Variants in FEZF2 observed in about 807,000 individuals in gnomAD.
FEZF2 encodes the protein FEZ family zinc finger 2.
FEZF2 carries 2 observed loss-of-function variants against 32.8 expected under a neutral mutation model. The ratio of observed to expected loss-of-function variants is 0.06; its 90% CI spans 0.02 to 0.19. The LOEUF (loss-of-function observed/expected upper bound fraction) is 0.19. FEZF2 is among the 10% of genes least tolerant of loss of function. The pLI, the probability that FEZF2 is intolerant of heterozygous loss-of-function variation, is 1.00. For missense variants in FEZF2, 516 were observed against 625.4 expected, an observed-to-expected ratio of 0.83 and a Z score of 1.87; for synonymous variants, 322 against 284.8, an observed-to-expected ratio of 1.13 and a Z score of -1.32.
rs967788569 is a variant in FEZF2, at chr3:62,370,582, A to G, written c.1121-240T>C. Among the ~76,000 whole-genome samples, 108 of 152,314 alleles carry G rather than the reference A, an allele frequency of 7.1e-4. No individual in the cohort carries two copies. In the Middle Eastern group the frequency reaches 0.017, roughly 24 times the overall value. On this transcript the variant is annotated intron_variant, in intron 4 of 4. Coordinates refer to ENST00000283268, the MANE Select transcript of FEZF2 (RefSeq NM_018008.4). This position sits in a 1 kb window ranked among gnomAD's most constrained non-coding sequence, Gnocchi z 4.2. ...TCTGCGCTCCTGCTCTGCCCGCCACAGAGGCTGGTGCAGCTTCCCTCCCGC... is the reference window on the plus strand; with the variant it reads ...TCTGCGCTCCTGCTCTGCCCGCCACGGAGGCTGGTGCAGCTTCCCTCCCGC...
intron 4 of FEZF2, 106 bp downstream of exon 4, chr3:62,371,111 C>A: frequency 2.6e-6 from 4 of 1,533,132 alleles, no homozygotes; most frequent in Non-Finnish European, 3.6e-6. Context: ...CCCGCGCCTG[C>A]AGATTTCGCC....
In FEZF2 at chr3:62,372,647, G is replaced by T; in HGVS notation, c.222C>A (p.Ile74=). The T allele has an allele frequency of 6.3e-7, 1 of 1,594,884 alleles. No individual in the cohort carries two copies. Among genetic ancestry groups the T allele is most frequent in the Non-Finnish European group, 8.5e-7 (1 of 1,169,776 alleles). Reference sequence around the variant, plus strand: ...CCTCGTAGCCTAGGGGCTGGAGGGGGATCATACAGGGCAGCGGCGAGCAGA... The same window carrying T: ...CCTCGTAGCCTAGGGGCTGGAGGGGTATCATACAGGGCAGCGGCGAGCAGA... ...LNLCSPLPCM[I]PLQPLGYEVP... Residue 74 remains isoleucine (I), a synonymous_variant, in exon 2 of 5, where the codon ATC becomes ATA. Transcript: ENST00000283268. The surrounding 1 kb of genome is among the most constrained non-coding windows in gnomAD (Gnocchi z 9.6).
Position 62,371,681 on chromosome 3 carries a change from T to A in FEZF2, c.853-14A>T, listed in dbSNP as rs1247388279. 3.1e-6 allele frequency: 5 copies of A among 1,601,068 alleles called. No individual in the cohort carries two copies. The East Asian group carries it at 1.1e-4, about 36-fold the overall frequency. ...AGCGTTAAACACCTATGGAAAGACA[T>A]GGGGGGCCTTGTGGTGCGTCTGTCC... On this transcript the variant is annotated splice_polypyrimidine_tract_variant and intron_variant, in intron 2 of 4. Transcript: ENST00000283268.
Position 62,370,453 on chromosome 3 carries a change from G to T in FEZF2, c.1121-111C>A, listed in dbSNP as rs906647009. The stretch of plus-strand genomic sequence containing the variant: ...TGCCTGCTCAAAAAAGGCGACGCTT[G>T]GCTAGGCGGGCGCGACCTCTTCGAG... On this transcript the variant is annotated intron_variant, in intron 4 of 4. Coordinates refer to ENST00000283268, the MANE Select transcript of FEZF2 (RefSeq NM_018008.4). The surrounding 1 kb of genome is among the most constrained non-coding windows in gnomAD (Gnocchi z 4.2). 2.6e-6 allele frequency: 3 copies of T among 1,151,548 alleles called. No homozygotes were observed. The highest frequency in any genetic ancestry group is 1.6e-5 in the African/African-American group (1 of 64,394). The allele number at this position is 1,151,548 out of a possible 1,614,324, so 71.3% of individuals were successfully genotyped here.
In FEZF2 at chr3:62,370,188, C is replaced by A. The variant is rs780835940; in HGVS notation, c.1275G>T (p.Gly425=). The stretch of plus-strand genomic sequence containing the variant: ...TCTTTAAGTCAAAGTTTCTGCAAAA[C>A]CCTTTGCCGCAAGTGGCGCACGTGA... ...KPFTCATCGK[G]FCRNFDLKKH... The change falls in exon 5 of 5, where the codon GGG becomes GGT. Residue 425 remains glycine (G), a synonymous_variant. Transcript: ENST00000283268. This position sits in a 1 kb window ranked among gnomAD's most constrained non-coding sequence, Gnocchi z 4.2. 1 of 1,614,154 alleles carries A rather than the reference C, an allele frequency of 6.2e-7. No individual in the cohort carries two copies. Among genetic ancestry groups the A allele is most frequent in the East Asian group, 2.2e-5 (1 of 44,862 alleles).
In FEZF2 at chr3:62,373,523, C is replaced by G. The variant is rs1380141176; in HGVS notation, c.-303G>C. On this transcript the variant is annotated 5_prime_UTR_variant, in exon 1 of 5. Transcript: ENST00000283268. The surrounding 1 kb of genome is among the most constrained non-coding windows in gnomAD (Gnocchi z 5.5). The stretch of plus-strand genomic sequence containing the variant: ...CCCCTCAAACTTTAAAAGGAGGCAA[C>G]TGGCGCCCGCGCTCCTCTCGGGAAA... 6.6e-6 allele frequency: 1 copy of G among 152,146 alleles called. No individual in the cohort carries two copies. The highest frequency in any genetic ancestry group is 2.4e-5 in the African/African-American group (1 of 41,338). 9.4% of individuals were successfully genotyped at this position (152,146 alleles called of 1,614,324 possible). A position where few individuals can be genotyped will look rare whatever the true frequency, so the allele number is the denominator to read the frequency against.
At position 62,372,284 on chromosome 3, in the gene FEZF2, G is replaced by A. The variant is rs1704283232; in HGVS notation, c.585C>T (p.Leu195=). The A allele has an allele frequency of 1.9e-6, 3 of 1,600,570 alleles. No individual in the cohort carries two copies. The highest frequency in any genetic ancestry group is 1.3e-5 in the African/African-American group (1 of 74,696). Residue 195 remains leucine (L), a synonymous_variant, in exon 2 of 5, where the codon CTC becomes CTT. Coordinates refer to ENST00000283268, the MANE Select transcript of FEZF2 (RefSeq NM_018008.4). This position sits in a 1 kb window ranked among gnomAD's most constrained non-coding sequence, Gnocchi z 9.6. ...LLSGHLFPSG[L]LNAQAPAALA... ...GGGCGGCGGGGGCCTGCGCATTGAG[G>A]AGGCCAGACGGGAAGAGGTGGCCGC...
At position 62,370,279 on chromosome 3, in the gene FEZF2, T is replaced by C. The variant is rs560854161; in HGVS notation, c.1184A>G (p.Asn395Ser). ...GEKQYKCTIC[N>S]KAFHQVYNLT... The stretch of plus-strand genomic sequence containing the variant: ...GTTGTAGACCTGGTGGAAGGCCTTG[T>C]TGCAGATGGTACATTTGTACTGCTT... Residue 395 changes from asparagine to serine, a missense_variant, in exon 5 of 5, where the codon AAC (asparagine) becomes AGC (serine). Asn to Ser is a conservative substitution (Grantham distance 46, BLOSUM62 1). Around this residue, in one of 3 missense-constraint regions of FEZF2, gnomAD observed 79 missense variants for 219.4 expected, o/e 0.36. Coordinates refer to ENST00000283268, the MANE Select transcript of FEZF2 (RefSeq NM_018008.4). This position sits in a 1 kb window ranked among gnomAD's most constrained non-coding sequence, Gnocchi z 4.2. 91 of 1,614,254 alleles carry C rather than the reference T, an allele frequency of 5.6e-5. No individual in the cohort carries two copies. The South Asian group carries it at 9.3e-4, about 17-fold the overall frequency.
At chr3:62,371,787 A>G in intron 2 of FEZF2, 120 bp from the exon 3 acceptor site, 2 of 1,462,846 alleles carry the variant, frequency 1.4e-6, no homozygotes, top group African/African-American at 2.8e-5. Flanking sequence ...AGCCTTTTTC[A>G]GTTTGTAAAG....
rs775397762 is a variant in FEZF2 at position 62,370,333 on chromosome 3, T to C, written c.1130A>G (p.Lys377Arg). The C allele has an allele frequency of 6.2e-7, 1 of 1,614,214 alleles. No individual in the cohort carries two copies. The highest frequency in any genetic ancestry group is 1.3e-5 in the African/African-American group (1 of 75,054). ...GCCGCTGTGGGTCAGCTTGTGGTTC[T>C]TGTAGTTCCCTACAACAGATCAAGA... The part of the protein sequence containing the change: ...GKGFHQKGNY[K>R]NHKLTHSGEK... The change falls in exon 5 of 5, where the codon AAG becomes AGG. Residue 377 changes from lysine (K) to arginine (R), a missense_variant. By Grantham distance (26) the Lys-to-Arg change is conservative. Coordinates refer to ENST00000283268, the MANE Select transcript of FEZF2 (RefSeq NM_018008.4). The surrounding 1 kb of genome is among the most constrained non-coding windows in gnomAD (Gnocchi z 4.2).
chr3:62,370,529 A>G lies in FEZF2; in HGVS notation c.1121-187T>C, dbSNP rs1372823745. ...CGTCAAGCCGGGTGCTCTCCCGACA[A>G]GACCGAGACTGAGTCCCGCGGAGCC... On this transcript the variant is annotated intron_variant, in intron 4 of 4. Transcript: ENST00000283268. This position sits in a 1 kb window ranked among gnomAD's most constrained non-coding sequence, Gnocchi z 4.2. Among the ~76,000 whole-genome samples, 2 of 152,190 alleles carry G rather than the reference A, an allele frequency of 1.3e-5. No individual in the cohort carries two copies. The highest frequency in any genetic ancestry group is 4.8e-5 in the African/African-American group (2 of 41,454).
At position 62,372,992 on chromosome 3, in the gene FEZF2, C is replaced by G; in HGVS notation, c.-58-66G>C. ...TAAGCACCTAGTCGGGCCCGGGTCA[C>G]CCATTTGCATTCAAATGAACAGGGG... On this transcript the variant is annotated intron_variant, in intron 1 of 4. Coordinates refer to ENST00000283268, the MANE Select transcript of FEZF2 (RefSeq NM_018008.4). The surrounding 1 kb of genome is among the most constrained non-coding windows in gnomAD (Gnocchi z 9.6). The G allele has an allele frequency of 1.0e-6, 1 of 966,890 alleles. No individual in the cohort carries two copies. Among genetic ancestry groups the G allele is most frequent in the East Asian group, 3.3e-5 (1 of 30,698 alleles). 59.9% of individuals were successfully genotyped at this position (966,890 alleles called of 1,614,324 possible). A position where few individuals can be genotyped will look rare whatever the true frequency, so the allele number is the denominator to read the frequency against.
rs1230226157 is a variant in FEZF2, at chr3:62,371,409, C to T, written c.988-60G>A. 6.3e-6 allele frequency: 10 copies of T among 1,589,512 alleles called. No homozygotes were observed. The East Asian group carries it at 2.0e-4, about 32-fold the overall frequency. On this transcript the variant is annotated intron_variant, in intron 3 of 4. Transcript: ENST00000283268. ...CCACCTCGGGAACACCTGGAAGGGACATCCCCCCCACCCCCACTCAACCCT... is the reference window on the plus strand; with the variant it reads ...CCACCTCGGGAACACCTGGAAGGGATATCCCCCCCACCCCCACTCAACCCT...
rs1704253545 is a variant in FEZF2, at chr3:62,370,525, G to T, written c.1121-183C>A. ...TAAGCGTCAAGCCGGGTGCTCTCCC[G>T]ACAAGACCGAGACTGAGTCCCGCGG... On this transcript the variant is annotated intron_variant, in intron 4 of 4. Coordinates refer to ENST00000283268, the MANE Select transcript of FEZF2 (RefSeq NM_018008.4). This position sits in a 1 kb window ranked among gnomAD's most constrained non-coding sequence, Gnocchi z 4.2. Among the ~76,000 whole-genome samples the T allele has an allele frequency of 6.6e-6, 1 of 152,204 alleles. No individual in the cohort carries two copies. Among genetic ancestry groups the T allele is most frequent in the African/African-American group, 2.4e-5 (1 of 41,464 alleles).
At position 62,370,751 on chromosome 3, in the gene FEZF2, T is replaced by A. The variant is rs1341535429; in HGVS notation, c.1121-409A>T. Among the ~76,000 whole-genome samples, 1 of 152,126 alleles carries A rather than the reference T, an allele frequency of 6.6e-6. No individual in the cohort carries two copies. Among genetic ancestry groups the A allele is most frequent in the East Asian group, 1.9e-4 (1 of 5,178 alleles). On this transcript the variant is annotated intron_variant, in intron 4 of 4. Transcript: ENST00000283268. The surrounding 1 kb of genome is among the most constrained non-coding windows in gnomAD (Gnocchi z 4.2). Reference sequence around the variant, plus strand: ...CCCTTCTCATTTTTAAAGTTACTTCTTTCTCGCCCCCCAACTACCAACTGA... The same window carrying A: ...CCCTTCTCATTTTTAAAGTTACTTCATTCTCGCCCCCCAACTACCAACTGA...
chr3:62,370,486 G>A lies in FEZF2; in HGVS notation c.1121-144C>T, dbSNP rs1271178526. ...GGGCGCGACCTCTTCGAGTGAAGAA[G>A]TTGTCAAACTTCGTAAGCGTCAAGC... is the stretch of plus-strand genomic sequence containing the variant. On this transcript the variant is annotated intron_variant, in intron 4 of 4. Transcript: ENST00000283268. This position sits in a 1 kb window ranked among gnomAD's most constrained non-coding sequence, Gnocchi z 4.2. 1.5e-5 allele frequency: 12 copies of A among 812,450 alleles called. No individual in the cohort carries two copies. The highest frequency in any genetic ancestry group is 2.0e-5 in the Non-Finnish European group (10 of 509,944). The allele number at this position is 812,450 out of a possible 1,614,324, so 50.3% of individuals were successfully genotyped here.
rs1279586524 is a variant in FEZF2, at chr3:62,370,300, T to C, written c.1163A>G (p.Gln388Arg). ...CTTGTTGCAGATGGTACATTTGTACTGCTTCTCGCCGCTGTGGGTCAGCTT... is the reference window on the plus strand; with the variant it reads ...CTTGTTGCAGATGGTACATTTGTACCGCTTCTCGCCGCTGTGGGTCAGCTT... The part of the protein sequence containing the change: ...NHKLTHSGEK[Q>R]YKCTICNKAF... The change falls in exon 5 of 5, where the codon CAG becomes CGG. Residue 388 changes from glutamine to arginine, a missense_variant. Gln to Arg is a conservative substitution (Grantham distance 43, BLOSUM62 1). This residue lies in a region of FEZF2 where 79 missense variants were observed against 219.4 expected (regional missense o/e 0.36). Transcript: ENST00000283268. The surrounding 1 kb of genome is among the most constrained non-coding windows in gnomAD (Gnocchi z 4.2). The C allele has an allele frequency of 6.2e-7, 1 of 1,614,262 alleles. No homozygotes were observed. Among genetic ancestry groups the C allele is most frequent in the Admixed American group, 1.7e-5 (1 of 60,032 alleles).
chr3:62,372,604 G>T lies in FEZF2; in HGVS notation c.265C>A (p.Leu89Ile). The change falls in exon 2 of 5, where the codon CTC becomes ATC. Residue 89 changes from leucine (L) to isoleucine (I), a missense_variant. Transcript: ENST00000283268. This position sits in a 1 kb window ranked among gnomAD's most constrained non-coding sequence, Gnocchi z 9.6. ...CTTTTCCAGAGCTCCGAGTAACTGAGCAGTGTCTTTGACGGCACCTCGTAG... is the reference window on the plus strand; with the variant it reads ...CTTTTCCAGAGCTCCGAGTAACTGATCAGTGTCTTTGACGGCACCTCGTAG... ...LGYEVPSKTL[L>I]SYSELWKSSL... is the part of the protein sequence containing the mutation. 6.6e-7 allele frequency: 1 copy of T among 1,524,046 alleles called. No homozygotes were observed. 94.4% of individuals were successfully genotyped at this position (1,524,046 alleles called of 1,614,324 possible). A position where few individuals can be genotyped will look rare whatever the true frequency, so the allele number is the denominator to read the frequency against.
chr3:62,371,990 C>T (rs753968908), intron 2 of FEZF2, 27 bp downstream of exon 2: 21 of 1,591,358 alleles, frequency 1.3e-5, no homozygotes, highest in Middle Eastern at 3.3e-4. Flanking sequence ...CCCCTCCCGG[C>T]CCCCCTCGCC....
Sources: gnomAD v4.1 joint callset for allele counts (sites outside exome capture counted in the v4.1 genomes callset) on GRCh38, gnomAD v4.1.1 for gene constraint, gnomAD v4.1.1 regional missense constraint, Gnocchi (gnomAD v3.1) non-coding constraint, MANE v1.5 for transcripts, NCBI Gene and HGNC (gene_info 2026-07-23, HGNC 2026-07-21) for gene names.